The following KRI1 variants were observed in gnomAD, a reference collection of about 807,000 sequenced individuals.
The protein encoded by KRI1 is protein KRI1 homolog.
In KRI1, 83 loss-of-function variants were observed where a neutral mutation model predicts 97.0. The ratio of observed to expected loss-of-function variants is 0.86; its 90% CI spans 0.72 to 1.03. The LOEUF (loss-of-function observed/expected upper bound fraction) is 1.03, where lower values mean the gene tolerates loss of function less well. Ranked by LOEUF, KRI1 falls within the 50% of genes least tolerant of loss-of-function variation. KRI1 has a pLI of 0.00. For missense variants in KRI1, 916 were observed against 928.4 expected, an observed-to-expected ratio of 0.99 and a Z score of 0.17; for synonymous variants, 371 against 363.5, an observed-to-expected ratio of 1.02 and a Z score of -0.23.
In KRI1 at chr19:10,555,134, C is replaced by G; in HGVS notation, c.1734G>C (p.Gln578His). ...RDKRAYSQKA[Q>H]NSWKKRQVFK... ...AGACCTGCCGCTTTTTCCATGAGTT[C>G]TGGGCCTTCTGGCTGTACGCCCGCT... The change falls in exon 18 of 19, where the codon CAG becomes CAC. Residue 578 changes from glutamine to histidine, a missense_variant. Gln to His is a conservative substitution (Grantham distance 24). This residue lies in a region of KRI1 where 672 missense variants were observed against 667.2 expected (regional missense o/e 1.01). Coordinates refer to ENST00000312962, the MANE Select transcript of KRI1 (RefSeq NM_023008.5). 1.2e-6 allele frequency: 2 copies of G among 1,608,706 alleles called. No individual in the cohort carries two copies. The highest frequency in any genetic ancestry group is 1.7e-6 in the Non-Finnish European group (2 of 1,177,854).
chr19:10,559,408 C>T lies in KRI1; in HGVS notation c.1145G>A (p.Gly382Glu). The change falls in exon 12 of 19, where the codon GGG becomes GAG. Residue 382 changes from glycine (G) to glutamate (E), a missense_variant. Transcript: ENST00000312962. The part of the protein sequence containing the change: ...TGNEMLGLEE[G>E]DLEDDFDPAQ... ...AGGGTCGAAGTCGTCTTCAAGGTCC[C>T]CCTCCTCGAGGCCCAGCATCTCGTT... The T allele has an allele frequency of 6.2e-7, 1 of 1,614,082 alleles. No individual in the cohort carries two copies. The highest frequency in any genetic ancestry group is 8.5e-7 in the Non-Finnish European group (1 of 1,180,030).
chr19:10,554,939 G>A (rs1382291234), intron 18 of KRI1, 148 bp downstream of exon 18: 17 of 619,206 alleles, frequency 2.7e-5, no homozygotes, highest in Non-Finnish European at 4.5e-5. Flanking sequence ...GTCACACAAC[G>A]TTGGTGCCCA....
At chr19:10,564,804 A>G in intron 3 of KRI1, 125 bp downstream of exon 3, 2 of 743,928 alleles carry the variant, frequency 2.7e-6, no homozygotes, top group Non-Finnish European at 4.9e-6. Flanking sequence ...CTACCGTTAG[A>G]TATACTTTAC....
In KRI1 at chr19:10,558,006, T is replaced by A; in HGVS notation, c.1325A>T (p.Gln442Leu). ...DGPEQEGDWSQQELHCEDPNF... is the reference protein window; with the variant it reads ...DGPEQEGDWSLQELHCEDPNF... The stretch of plus-strand genomic sequence containing the variant: ...GGGGTCCTCACAGTGCAGCTCCTGC[T>A]GGCTCCAGTCTCCCTCCTGCTCAGG... The change falls in exon 14 of 19, where the codon CAG becomes CTG. Residue 442 changes from glutamine to leucine, a missense_variant. This residue lies in a region of KRI1 where 672 missense variants were observed against 667.2 expected (regional missense o/e 1.01). Transcript: ENST00000312962. The A allele has an allele frequency of 6.2e-7, 1 of 1,614,124 alleles. No homozygotes were observed. Among genetic ancestry groups the A allele is most frequent in the Non-Finnish European group, 8.5e-7 (1 of 1,179,998 alleles).
intron 16 of KRI1, among the ~76,000 whole-genome samples, chr19:10,557,240 G>C (rs2144717144): frequency 6.6e-6 from 1 of 151,694 alleles, no homozygotes; most frequent in Admixed American, 6.6e-5. Flanking sequence ...AAGTAGCTGG[G>C]ACTACAGGCG....
chr19:10,561,361 T>A, intron 6 of KRI1, 96 bp from the exon 7 acceptor site: 1 of 1,153,644 alleles, frequency 8.7e-7, no homozygotes, highest in Non-Finnish European at 1.3e-6. Flanking sequence ...GGTCTCACTA[T>A]GTTGCCCAGG....
chr19:10,560,370 G>C lies in KRI1; in HGVS notation c.742C>G (p.Arg248Gly). 1 of 1,613,228 alleles carries C rather than the reference G, an allele frequency of 6.2e-7. No homozygotes were observed. Among genetic ancestry groups the C allele is most frequent in the South Asian group, 1.1e-5 (1 of 90,856 alleles). Reference protein sequence around the residue: ...RFLRDYILNKRYEEEEEEEED... With the variant: ...RFLRDYILNKGYEEEEEEEED... Reference sequence around the variant, plus strand: ...TCCTCCTCTTCCTCCTCCTCATAGCGTTTGTTGAGGATGTAATCCCGCAGG... The same window carrying C: ...TCCTCCTCTTCCTCCTCCTCATAGCCTTTGTTGAGGATGTAATCCCGCAGG... The change falls in exon 9 of 19, where the codon CGC (arginine) becomes GGC (glycine). Residue 248 changes from arginine to glycine, a missense_variant. Physicochemically the swap from Arg to Gly is moderately radical, Grantham distance 125 (BLOSUM62 -2). Around this residue, in one of 3 missense-constraint regions of KRI1, gnomAD observed 672 missense variants for 667.2 expected, o/e 1.01. Coordinates refer to ENST00000312962, the MANE Select transcript of KRI1 (RefSeq NM_023008.5).
Position 10,553,382 on chromosome 19 carries a change from T to C in KRI1, c.*569A>G. 1 of 282,976 alleles carries C rather than the reference T, an allele frequency of 3.5e-6. No individual in the cohort carries two copies. The highest frequency in any genetic ancestry group is 6.7e-6 in the Non-Finnish European group (1 of 149,162). The allele number at this position is 282,976 out of a possible 1,614,324, so 17.5% of individuals were successfully genotyped here. On this transcript the variant is annotated 3_prime_UTR_variant, in exon 19 of 19. Coordinates refer to ENST00000312962, the MANE Select transcript of KRI1 (RefSeq NM_023008.5). ...TGTCCCAAAGCCCCCTTGGGGGAAC[T>C]GTGGCTGCTGGGGGCCAATAAAGCT...
intron 12 of KRI1, among the ~76,000 whole-genome samples, chr19:10,558,809 G>A (rs150524194): frequency 0.016 from 2,360 of 150,226 alleles, 55 homozygotes; most frequent in African/African-American, 0.054. Flanking sequence ...GGGTTCAAGC[G>A]ATTCCCTGCC....
chr19:10,555,400 C>T, intron 16 of KRI1, 51 bp from the exon 17 acceptor site: 1 of 1,597,502 alleles, frequency 6.3e-7, no homozygotes, highest in Non-Finnish European at 8.6e-7. Context: ...CCAGGCGGGG[C>T]CTTCCCTGAG....
In KRI1 at chr19:10,566,004, G is replaced by T. The variant is rs937228432; in HGVS notation, c.-5C>A. On this transcript the variant is annotated 5_prime_UTR_variant, in exon 1 of 19. Transcript: ENST00000312962. ...CGACCCGCGCGGTTCCGGCATGGCG[G>T]TTCTGTGGCCCATTGCGCACGCGCA... The T allele has an allele frequency of 2.6e-5, 40 of 1,516,632 alleles. No homozygotes were observed. The African/African-American group carries it at 5.7e-4, about 22-fold the overall frequency. 93.9% of individuals were successfully genotyped at this position (1,516,632 alleles called of 1,614,324 possible).
intron 16 of KRI1, 82 bp downstream of exon 16, chr19:10,557,470 G>A (rs1260514020): frequency 7.0e-7 from 1 of 1,435,638 alleles, no homozygotes; most frequent in Non-Finnish European, 9.6e-7. Flanking sequence ...GAGCAACAGA[G>A]ATTGGGACTC....
In KRI1 at chr19:10,559,955, T is replaced by G. The variant is rs1237593048; in HGVS notation, c.801-19A>C. 1.1e-5 allele frequency: 17 copies of G among 1,607,116 alleles called. No homozygotes were observed. The Admixed American group carries it at 2.8e-4, about 27-fold the overall frequency. On this transcript the variant is annotated intron_variant, in intron 9 of 18. Transcript: ENST00000312962. ...GTGGACCCTGAGGGGCAAGATGTGGTGATGCCAGGGGGCCAGCCAAGTGAG... is the reference window on the plus strand; with the variant it reads ...GTGGACCCTGAGGGGCAAGATGTGGGGATGCCAGGGGGCCAGCCAAGTGAG...
chr19:10,565,461 TTCTTG>T lies in KRI1; in HGVS notation c.168+251_168+255del, dbSNP rs1916836026. 8.4e-5 allele frequency: 45 copies of T among 537,584 alleles called. No individual in the cohort carries two copies. The South Asian group carries it at 1.1e-3, about 13-fold the overall frequency. The allele number at this position is 537,584 out of a possible 1,614,324, so 33.3% of individuals were successfully genotyped here. A position where few individuals can be genotyped will look rare whatever the true frequency, so the allele number is the denominator to read the frequency against. Reference sequence around the variant, plus strand: ...TGAGGATGAAAGAGGAAAGGGGGGGTTCTTGGGGGACAGAGTCGCCCCACACATCA... The same window carrying T: ...TGAGGATGAAAGAGGAAAGGGGGGGTGGGGACAGAGTCGCCCCACACATCA... On this transcript the variant is annotated intron_variant, in intron 2 of 18. Transcript: ENST00000312962.
chr19:10,559,463 T>G lies in KRI1; in HGVS notation c.1090A>C (p.Lys364Gln). 1 of 1,614,072 alleles carries G rather than the reference T, an allele frequency of 6.2e-7. No homozygotes were observed. Among genetic ancestry groups the G allele is most frequent in the South Asian group, 1.1e-5 (1 of 91,088 alleles). Residue 364 changes from lysine to glutamine, a missense_variant, in exon 12 of 19, where the codon AAG (lysine) becomes CAG (glutamine). Lys to Gln is a moderately conservative substitution (Grantham distance 53). Coordinates refer to ENST00000312962, the MANE Select transcript of KRI1 (RefSeq NM_023008.5). Reference sequence around the variant, plus strand: ...GTTACTTTCCGCAGCTTCTCCAGCTTGGCCAGAATCTCCTTCCTCTTCAGG... The same window carrying G: ...GTTACTTTCCGCAGCTTCTCCAGCTGGGCCAGAATCTCCTTCCTCTTCAGG... ...KNLKRKEILA[K>Q]LEKLRKVTGN...
chr19:10,561,553 G>GAGGTTA, intron 6 of KRI1, 114 bp downstream of exon 6: 1 of 1,054,860 alleles, frequency 9.5e-7, no homozygotes, highest in Non-Finnish European at 1.5e-6. Context: ...CCGTTTAACT[G>GAGGTTA]ATGAGGAAAC....
At position 10,565,815 on chromosome 19, in the gene KRI1, C is replaced by A. The variant is rs187161674; in HGVS notation, c.95-25G>T. On this transcript the variant is annotated intron_variant, in intron 1 of 18. Coordinates refer to ENST00000312962, the MANE Select transcript of KRI1 (RefSeq NM_023008.5). The stretch of plus-strand genomic sequence containing the variant: ...ACTGCGGGACACAGACGGGATGCCC[C>A]CCCCCAGGTCAGCCGGCGGGGCCAC... 5 of 1,551,920 alleles carry A rather than the reference C, an allele frequency of 3.2e-6. No homozygotes were observed. In the Admixed American group the frequency reaches 9.5e-5, roughly 30 times the overall value.
intron 2 of KRI1, 54 bp downstream of exon 2, chr19:10,565,663 G>A (rs1247783146): frequency 1.3e-6 from 2 of 1,519,622 alleles, no homozygotes; most frequent in Non-Finnish European, 1.8e-6. Context: ...GGGTCGGGGT[G>A]CAGAGGGGGG....
At chr19:10,564,903 A>G in intron 3 of KRI1, 26 bp downstream of exon 3, 2 of 1,395,530 alleles carry the variant, frequency 1.4e-6, no homozygotes, top group Middle Eastern at 1.8e-4. Context: ...GAGGAAGGAG[A>G]GGTTTAGACA....
Sources: allele counts gnomAD v4.1 joint callset (sites outside exome capture counted in the v4.1 genomes callset), GRCh38; gene constraint gnomAD v4.1.1; regional missense constraint gnomAD v4.1.1; transcripts MANE v1.5; gene names NCBI Gene and HGNC (gene_info 2026-07-23, HGNC 2026-07-21).